Variants in CDHR5 observed in about 807,000 individuals in gnomAD.
CDHR5 encodes cadherin-related family member 5.
In CDHR5, 82 loss-of-function variants were observed where a neutral mutation model predicts 69.5. That is an observed-to-expected ratio of 1.18 (90% CI 0.99 to 1.42). CDHR5 has a LOEUF of 1.42. Ranked by LOEUF, CDHR5 falls within the 40% of genes most tolerant of loss-of-function variation. The probability of loss-of-function intolerance (pLI) is 0.00; values close to 1 mark genes in which losing one functional copy is unlikely to be tolerated. For missense variants in CDHR5, 1,293 were observed against 1,168.9 expected (o/e 1.11, Z -1.55); for synonymous variants, 601 against 510.2 (o/e 1.18, Z -2.40).
Position 624,730 on chromosome 11 carries a change from A to C in CDHR5, c.88T>G (p.Cys30Gly), listed in dbSNP as rs752776431. The change falls in exon 2 of 15, where the codon TGC becomes GGC. Residue 30 changes from cysteine (C) to glycine (G), a missense_variant and splice_region_variant. Coordinates refer to ENST00000397542, the MANE Select transcript of CDHR5 (RefSeq NM_021924.5). This position sits in a 1 kb window ranked among gnomAD's most constrained non-coding sequence, Gnocchi z 5.3. ...TCAAAGATGTCCTTGTTCACAGAGC[A>C]GTCTGTAAGGTTGCAGAGGAGGGAT... ...PPGTMAQAQY[C>G]SVNKDIFEVE... The C allele has an allele frequency of 6.2e-7, 1 of 1,606,762 alleles. No homozygotes were observed. The highest frequency in any genetic ancestry group is 1.1e-5 in the South Asian group (1 of 90,412).
Position 619,753 on chromosome 11 carries a change from C to T in CDHR5, c.1107G>A (p.Ala369=), listed in dbSNP as rs1009136493. ...YRGTVARGAG[A]GVVVKDAAAP... ...CAGCTGCATCCTTGACCACAACGCC[C>T]GCTCCAGCGCCACGCGCCACGGTGC... The change falls in exon 10 of 15, where the codon GCG becomes GCA. Residue 369 remains alanine, a synonymous_variant. Transcript: ENST00000397542. 1.2e-5 allele frequency: 19 copies of T among 1,611,956 alleles called. No individual in the cohort carries two copies. The highest frequency in any genetic ancestry group is 2.7e-5 in the African/African-American group (2 of 75,062).
rs1175915948 is a variant in CDHR5, at chr11:624,405, T to C, written c.262-142A>G. 1 of 835,350 alleles carries C rather than the reference T, an allele frequency of 1.2e-6. No individual in the cohort carries two copies. Among genetic ancestry groups the C allele is most frequent in the Non-Finnish European group, 2.0e-6 (1 of 489,102 alleles). The allele number at this position is 835,350 out of a possible 1,614,324, so 51.7% of individuals were successfully genotyped here. A position where few individuals can be genotyped will look rare whatever the true frequency, so the allele number is the denominator to read the frequency against. On this transcript the variant is annotated intron_variant, in intron 2 of 14. Coordinates refer to ENST00000397542, the MANE Select transcript of CDHR5 (RefSeq NM_021924.5). The surrounding 1 kb of genome is among the most constrained non-coding windows in gnomAD (Gnocchi z 5.3). ...GGGCCCAGGCAGCTTCATCCCGAAA[T>C]GGCCCAGCCTTCTAGGGCAGGCACC...
Position 617,234 on chromosome 11 carries a change from C to T in CDHR5, c.*117G>A, listed in dbSNP as rs1395952707. ...ATGGGACCCCCATGGACCCGCGCGCCTGCCCCACGCCATGGCCTGGGTTTC... is the reference window on the plus strand; with the variant it reads ...ATGGGACCCCCATGGACCCGCGCGCTTGCCCCACGCCATGGCCTGGGTTTC... On this transcript the variant is annotated 3_prime_UTR_variant, in exon 15 of 15. Coordinates refer to ENST00000397542, the MANE Select transcript of CDHR5 (RefSeq NM_021924.5). 2 of 801,562 alleles carry T rather than the reference C, an allele frequency of 2.5e-6. No homozygotes were observed. Among genetic ancestry groups the T allele is most frequent in the Non-Finnish European group, 4.0e-6 (2 of 500,354 alleles). 49.7% of individuals were successfully genotyped at this position (801,562 alleles called of 1,614,324 possible). A position where few individuals can be genotyped will look rare whatever the true frequency, so the allele number is the denominator to read the frequency against.
In CDHR5 at chr11:624,194, G is replaced by T. The variant is rs368818344; in HGVS notation, c.312+19C>A. On this transcript the variant is annotated intron_variant, in intron 3 of 14. Transcript: ENST00000397542. The surrounding 1 kb of genome is among the most constrained non-coding windows in gnomAD (Gnocchi z 5.3). ...CAGAGGTGGCCGGGTGGGGCGGGGA[G>T]AGCGGGGCGGGGACTCACCAATGTG... 194 of 751,070 alleles carry T rather than the reference G, an allele frequency of 2.6e-4. 4 individuals carry two copies. Among genetic ancestry groups the T allele is most frequent in the South Asian group, 2.6e-3 (183 of 70,866 alleles). 46.5% of individuals were successfully genotyped at this position (751,070 alleles called of 1,614,324 possible).
Position 621,135 on chromosome 11 carries a change from C to T in CDHR5, c.734G>A (p.Gly245Asp), listed in dbSNP as rs1221874076. Residue 245 changes from glycine (G) to aspartate (D), a missense_variant, in exon 7 of 15, where the codon GGC becomes GAC. Gly to Asp is a moderately conservative substitution (Grantham distance 94). Transcript: ENST00000397542. This position sits in a 1 kb window ranked among gnomAD's most constrained non-coding sequence, Gnocchi z 4.4. ...PWFLPCTFSD[G>D]YVCIQAQYHG... is the part of the protein sequence containing the mutation. ...GTACTGAGCTTGAATGCAGACGTAGCCATCTGAGAAGGTGCAGGGCAGGAA... is the reference window on the plus strand; with the variant it reads ...GTACTGAGCTTGAATGCAGACGTAGTCATCTGAGAAGGTGCAGGGCAGGAA... The T allele has an allele frequency of 1.4e-5, 22 of 1,593,688 alleles. No homozygotes were observed. Among genetic ancestry groups the T allele is most frequent in the Non-Finnish European group, 1.8e-5 (21 of 1,169,586 alleles).
At position 618,089 on chromosome 11, in the gene CDHR5, C is replaced by G; in HGVS notation, c.1983G>C (p.Lys661Asn). ...PSSGGGPSEDKRFSVVDMAAL... is the reference protein window; with the variant it reads ...PSSGGGPSEDNRFSVVDMAAL... ...CCGCCATATCCACCACCGAGAAGCGCTTGTCCTCCGAGGGGCCGCCACCTG... is the reference window on the plus strand; with the variant it reads ...CCGCCATATCCACCACCGAGAAGCGGTTGTCCTCCGAGGGGCCGCCACCTG... The change falls in exon 14 of 15, where the codon AAG (lysine) becomes AAC (asparagine). Residue 661 changes from lysine (K) to asparagine (N), a missense_variant. By Grantham distance (94) the Lys-to-Asn change is moderately conservative (BLOSUM62 0). Transcript: ENST00000397542. The G allele has an allele frequency of 6.2e-7, 1 of 1,611,200 alleles. No individual in the cohort carries two copies. The highest frequency in any genetic ancestry group is 8.5e-7 in the Non-Finnish European group (1 of 1,179,028).
At position 619,474 on chromosome 11, in the gene CDHR5, C is replaced by T. The variant is rs764895380; in HGVS notation, c.1293G>A (p.Glu431=). 3.1e-6 allele frequency: 5 copies of T among 1,611,630 alleles called. No individual in the cohort carries two copies. The highest frequency in any genetic ancestry group is 3.4e-6 in the Non-Finnish European group (4 of 1,177,902). ...TLAQAGAFYA[E]VEAHNTVTSG... ...GATGCCCGCCTGCCCTGCCCCGCAC[C>T]TCTGCGTAGAAGGCTCCCGCCTGTG... The change falls in exon 11 of 15, where the codon GAG becomes GAA. Residue 431 remains glutamate, a splice_region_variant and synonymous_variant. Transcript: ENST00000397542.
In CDHR5 at chr11:619,374, G is replaced by A. The variant is rs574966543; in HGVS notation, c.1310C>T (p.Thr437Met). 3.0e-5 allele frequency: 49 copies of A among 1,613,632 alleles called. No individual in the cohort carries two copies. Among genetic ancestry groups the A allele is most frequent in the African/African-American group, 1.6e-4 (12 of 74,990 alleles). Reference sequence around the variant, plus strand: ...TGTGGTTGCGGTGCCAGAGGTCACCGTGTTGTGGGCCTCAACCTGGGGCAG... The same window carrying A: ...TGTGGTTGCGGTGCCAGAGGTCACCATGTTGTGGGCCTCAACCTGGGGCAG... Reference protein sequence around the residue: ...AFYAEVEAHNTVTSGTATTVI... With the variant: ...AFYAEVEAHNMVTSGTATTVI... Residue 437 changes from threonine to methionine, a missense_variant, in exon 12 of 15, where the codon ACG becomes ATG. Transcript: ENST00000397542.
In CDHR5 at chr11:624,781, C is replaced by T. The variant is rs534049820; in HGVS notation, c.85+37G>A. The T allele has an allele frequency of 9.8e-5, 157 of 1,604,632 alleles. 3 individuals are homozygous for T. The South Asian group carries it at 1.3e-3, about 14-fold the overall frequency. ...CAGTGCCTCCCAGCCCCTGGCTCCC[C>T]GCCGCCCGTGCCCCACCTACCCCTG... On this transcript the variant is annotated intron_variant, in intron 1 of 14. Coordinates refer to ENST00000397542, the MANE Select transcript of CDHR5 (RefSeq NM_021924.5). The surrounding 1 kb of genome is among the most constrained non-coding windows in gnomAD (Gnocchi z 5.3).
chr11:620,513 G>T, intron 7 of CDHR5, 127 bp from the exon 8 acceptor site: 1 of 628,234 alleles, frequency 1.6e-6, no homozygotes, highest in African/African-American at 1.8e-5. Flanking sequence ...GTGGCCGGGC[G>T]TCCCTGCCTG....
chr11:619,275 C>T (rs1391914202), intron 12 of CDHR5, 31 bp downstream of exon 12: 2 of 1,548,660 alleles, frequency 1.3e-6, no homozygotes, highest in South Asian at 1.1e-5. Flanking sequence ...TTTGGAGAAC[C>T]CTGGGGGCTC....
Position 621,252 on chromosome 11 carries a change from T to C in CDHR5, c.619-2A>G. 1 of 1,602,018 alleles carries C rather than the reference T, an allele frequency of 6.2e-7. No homozygotes were observed. Among genetic ancestry groups the C allele is most frequent in the Non-Finnish European group, 8.5e-7 (1 of 1,172,474 alleles). ...TTCCACATTCTCCCCCGGAGTGTCCTGCAACAGACGGCTGTGCTGGATCAG... is the reference window on the plus strand; with the variant it reads ...TTCCACATTCTCCCCCGGAGTGTCCCGCAACAGACGGCTGTGCTGGATCAG... On this transcript the variant is annotated splice_acceptor_variant, in intron 6 of 14. Transcript: ENST00000397542. LOFTEE classifies it high-confidence loss of function. The surrounding 1 kb of genome is among the most constrained non-coding windows in gnomAD (Gnocchi z 4.4).
rs1564902375 is a variant in CDHR5 at position 624,350 on chromosome 11, C to CCA, written c.262-88_262-87insTG. The stretch of plus-strand genomic sequence containing the variant: ...AGTGGGCAGGCGCTGGCCCAGGGTC[C>CCA]CCATCATCAGTGGTCAGTGCTGAGG... On this transcript the variant is annotated intron_variant, in intron 2 of 14. Coordinates refer to ENST00000397542, the MANE Select transcript of CDHR5 (RefSeq NM_021924.5). This position sits in a 1 kb window ranked among gnomAD's most constrained non-coding sequence, Gnocchi z 5.3. 1 of 732,256 alleles carries CCA rather than the reference C, an allele frequency of 1.4e-6. No individual in the cohort carries two copies. Among genetic ancestry groups the CCA allele is most frequent in the Admixed American group, 2.0e-5 (1 of 50,466 alleles). 45.4% of individuals were successfully genotyped at this position (732,256 alleles called of 1,614,324 possible). A position where few individuals can be genotyped will look rare whatever the true frequency, so the allele number is the denominator to read the frequency against.
intron 8 of CDHR5, 24 bp downstream of exon 8, chr11:620,272 T>C (rs780432672): frequency 6.3e-7 from 1 of 1,597,698 alleles, no homozygotes; most frequent in South Asian, 1.1e-5. Flanking sequence ...TACAGGGCAT[T>C]GTTGAGGGCT....
intron 7 of CDHR5, among the ~76,000 whole-genome samples, chr11:620,675 C>T (rs1554925410): frequency 6.6e-6 from 1 of 152,170 alleles, no homozygotes; most frequent in Non-Finnish European, 1.5e-5. Context: ...TGGGGGCTCC[C>T]GGGGTCTGCA....
In CDHR5 at chr11:618,042, G is replaced by A. The variant is rs763862168; in HGVS notation, c.2030C>T (p.Ala677Val). 3 of 1,611,696 alleles carry A rather than the reference G, an allele frequency of 1.9e-6. No homozygotes were observed. The highest frequency in any genetic ancestry group is 1.1e-5 in the South Asian group (1 of 90,988). Reference sequence around the variant, plus strand: ...GCCAAGGAGAGCCAGCAGCAGCAGCGCACCCAGCACCCCGCCCAGGGCCGC... The same window carrying A: ...GCCAAGGAGAGCCAGCAGCAGCAGCACACCCAGCACCCCGCCCAGGGCCGC... ...DMAALGGVLG[A>V]LLLLALLGLA... The change falls in exon 14 of 15, where the codon GCG (alanine) becomes GTG (valine). Residue 677 changes from alanine (A) to valine (V), a missense_variant. Ala to Val is a moderately conservative substitution (Grantham distance 64). Transcript: ENST00000397542.
In CDHR5 at chr11:624,711, A is replaced by G. The variant is rs761566276; in HGVS notation, c.107T>C (p.Ile36Thr). The G allele has an allele frequency of 6.2e-6, 10 of 1,610,210 alleles. No homozygotes were observed. The Admixed American group carries it at 1.3e-4, about 22-fold the overall frequency. ...QAQYCSVNKD[I>T]FEVEENTNVT... ...ATTTGTGTTCTCCTCTACTTCAAAGATGTCCTTGTTCACAGAGCAGTCTGT... is the reference window on the plus strand; with the variant it reads ...ATTTGTGTTCTCCTCTACTTCAAAGGTGTCCTTGTTCACAGAGCAGTCTGT... Residue 36 changes from isoleucine (I) to threonine (T), a missense_variant, in exon 2 of 15, where the codon ATC becomes ACC. By Grantham distance (89) the Ile-to-Thr change is moderately conservative. Transcript: ENST00000397542. The surrounding 1 kb of genome is among the most constrained non-coding windows in gnomAD (Gnocchi z 5.3).
At position 621,384 on chromosome 11, in the gene CDHR5, G is replaced by A. The variant is rs756924545; in HGVS notation, c.579C>T (p.Phe193=). Residue 193 remains phenylalanine, a synonymous_variant, in exon 6 of 15, where the codon TTC becomes TTT. Transcript: ENST00000397542. This position sits in a 1 kb window ranked among gnomAD's most constrained non-coding sequence, Gnocchi z 4.4. ...PALRLDRPLD[F]YERPNMTFWL... is the part of the protein sequence containing the mutation. ...AGAAGGTCATGTTCGGCCGCTCGTA[G>A]AAGTCCAGGGGCCGGTCCAGCCTCA... is the stretch of plus-strand genomic sequence containing the variant. The A allele has an allele frequency of 2.1e-5, 34 of 1,613,126 alleles. No homozygotes were observed. The highest frequency in any genetic ancestry group is 2.9e-5 in the Non-Finnish European group (34 of 1,179,996).
chr11:624,927 G>C lies in CDHR5; in HGVS notation c.-25C>G. 1 of 1,518,090 alleles carries C rather than the reference G, an allele frequency of 6.6e-7. No individual in the cohort carries two copies. The highest frequency in any genetic ancestry group is 8.9e-7 in the Non-Finnish European group (1 of 1,129,292). 94.0% of individuals were successfully genotyped at this position (1,518,090 alleles called of 1,614,324 possible). ...TCTTGGCGGCTGTCACCTGGCAGGA[G>C]GGTCTGAGCGGGTCTGGCGTCTAGG... On this transcript the variant is annotated 5_prime_UTR_variant, in exon 1 of 15. Transcript: ENST00000397542. The surrounding 1 kb of genome is among the most constrained non-coding windows in gnomAD (Gnocchi z 5.3).
Sources: gnomAD v4.1 joint callset for allele counts (sites outside exome capture counted in the v4.1 genomes callset) on GRCh38, gnomAD v4.1.1 for gene constraint, Gnocchi (gnomAD v3.1) non-coding constraint, MANE v1.5 for transcripts, NCBI Gene and HGNC (gene_info 2026-07-23, HGNC 2026-07-21) for gene names.